Variants in EPAS1 observed in about 807,000 individuals in gnomAD.
EPAS1 encodes endothelial PAS domain-containing protein 1.
Under a neutral mutation model 87.9 loss-of-function variants are expected in EPAS1, and 23 were observed. That is an observed-to-expected ratio of 0.26 (90% confidence interval 0.19 to 0.37). The LOEUF is 0.37. Ranked by LOEUF, EPAS1 falls within the 10% of genes least tolerant of loss-of-function variation. The pLI is 1.00. For missense variants in EPAS1, 1,138 were observed against 1,120.7 expected, an observed-to-expected ratio of 1.02 and a Z score of -0.22; for synonymous variants, 508 against 444.3, an observed-to-expected ratio of 1.14 and a Z score of -1.80.
intron 9 of EPAS1, among the ~76,000 whole-genome samples, chr2:46,377,384 C>G (rs1684777398): frequency 6.6e-6 from 1 of 152,234 alleles, no homozygotes; most frequent in Admixed American, 6.5e-5. Flanking sequence ...CGCTGCCACC[C>G]TCTCCTGGCC....
intron 7 of EPAS1, among the ~76,000 whole-genome samples, chr2:46,370,426 A>G (rs1046283290): frequency 4.6e-5 from 7 of 152,238 alleles, no homozygotes; most frequent in Admixed American, 2.0e-4. Context: ...TAGGCTGAAC[A>G]GAGGGGAAAG....
chr2:46,343,920 T>C (rs1380013929), intron 1 of EPAS1, among the ~76,000 whole-genome samples: 1 of 152,260 alleles, frequency 6.6e-6, no homozygotes, highest in African/African-American at 2.4e-5. Flanking sequence ...ACAGTGACAG[T>C]ACCTGTCTTG....
intron 2 of EPAS1, among the ~76,000 whole-genome samples, chr2:46,351,521 C>T (rs1384968137): frequency 6.6e-6 from 1 of 152,142 alleles, no homozygotes; most frequent in Non-Finnish European, 1.5e-5. Context: ...AGTGATTTCC[C>T]TGTGGCTTGA....
At chr2:46,354,456 G>C (rs903620633) in intron 2 of EPAS1, among the ~76,000 whole-genome samples, 2 of 151,884 alleles carry the variant, frequency 1.3e-5, no homozygotes, top group Non-Finnish European at 2.9e-5. Context: ...CTGAAATAAA[G>C]TCTGTGGTTT....
At chr2:46,357,903 G>A (rs1436804279) in intron 4 of EPAS1, among the ~76,000 whole-genome samples, 1 of 152,202 alleles carries the variant, frequency 6.6e-6, no homozygotes, top group Non-Finnish European at 1.5e-5. Context: ...CATGAATAGG[G>A]ACATTGTTAA....
chr2:46,339,212 A>G (rs6544884), intron 1 of EPAS1, among the ~76,000 whole-genome samples: 22,392 of 152,134 alleles, frequency 0.15, 3,770 homozygotes, highest in African/African-American at 0.41. Context: ...TATAAATCCA[A>G]TGAGATCTCA....
Position 46,356,803 on chromosome 2 carries a change from A to G in EPAS1, c.449A>G (p.Lys150Arg). ...HEEIRENLSL[K>R]NGSGFGKKSK... ...GAGATTCGTGAGAACCTGAGTCTCA[A>G]AAATGGTATCCTTAATTGTGTTTAC... Residue 150 changes from lysine to arginine, a missense_variant, in exon 4 of 16, where the codon AAA becomes AGA. Lys to Arg is a conservative substitution (Grantham distance 26). Transcript: ENST00000263734. 1 of 1,611,862 alleles carries G rather than the reference A, an allele frequency of 6.2e-7. No homozygotes were observed. Among genetic ancestry groups the G allele is most frequent in the East Asian group, 2.2e-5 (1 of 44,878 alleles).
chr2:46,313,336 C>G (rs1377499335), intron 1 of EPAS1, among the ~76,000 whole-genome samples: 1 of 152,190 alleles, frequency 6.6e-6, no homozygotes, highest in Non-Finnish European at 1.5e-5. Context: ...CTTCAGGTCT[C>G]AGCTTAAATA....
intron 2 of EPAS1, among the ~76,000 whole-genome samples, chr2:46,354,251 A>C (rs1454437504): frequency 6.6e-6 from 1 of 152,202 alleles, no homozygotes; most frequent in Non-Finnish European, 1.5e-5. Context: ...TGCATTCTAC[A>C]TTCCTTAGAA....
chr2:46,319,663 A>G (rs957993607), intron 1 of EPAS1, among the ~76,000 whole-genome samples: 3 of 152,144 alleles, frequency 2.0e-5, no homozygotes, highest in African/African-American at 7.2e-5. Flanking sequence ...ATTTACAGTA[A>G]ACTTTGATAT....
chr2:46,339,139 TG>T (rs760121232), intron 1 of EPAS1, among the ~76,000 whole-genome samples: 3 of 152,374 alleles, frequency 2.0e-5, no homozygotes, highest in Admixed American at 6.5e-5. Context: ...CTGGCTATTA[TG>T]AATATTTTGA....
Position 46,334,275 on chromosome 2 carries a change from A to G in EPAS1, c.27-12598A>G, listed in dbSNP as rs952955702. ...GGCAATTATCCGGGCATCTGACTTTAGCTACCTGTCCTTTTGTTTAAAGCC... is the reference window on the plus strand; with the variant it reads ...GGCAATTATCCGGGCATCTGACTTTGGCTACCTGTCCTTTTGTTTAAAGCC... On this transcript the variant is annotated intron_variant, in intron 1 of 15. Transcript: ENST00000263734. Among the ~76,000 whole-genome samples, 4 of 152,178 alleles carry G rather than the reference A, an allele frequency of 2.6e-5. 1 individual carries two copies. The highest frequency in any genetic ancestry group is 9.6e-5 in the African/African-American group (4 of 41,454).
chr2:46,373,073 G>A (rs1190182983), intron 7 of EPAS1, among the ~76,000 whole-genome samples: 1 of 152,208 alleles, frequency 6.6e-6, no homozygotes, highest in Non-Finnish European at 1.5e-5. Flanking sequence ...GTGTAGCTCA[G>A]ACTCTGTCAC....
At position 46,356,145 on chromosome 2, in the gene EPAS1, T is replaced by G; in HGVS notation, c.218-6T>G. 2 of 862,250 alleles carry G rather than the reference T, an allele frequency of 2.3e-6. No individual in the cohort carries two copies. Among genetic ancestry groups the G allele is most frequent in the Non-Finnish European group, 3.6e-6 (2 of 554,060 alleles). 53.4% of individuals were successfully genotyped at this position (862,250 alleles called of 1,614,324 possible). A position where few individuals can be genotyped will look rare whatever the true frequency, so the allele number is the denominator to read the frequency against. Reference sequence around the variant, plus strand: ...TGCAAGCTGTCCCACCCCCCCCCCTTTCCAGTTTGCTCTGAAAACGAGTCC... The same window carrying G: ...TGCAAGCTGTCCCACCCCCCCCCCTGTCCAGTTTGCTCTGAAAACGAGTCC... On this transcript the variant is annotated splice_polypyrimidine_tract_variant and splice_region_variant and intron_variant, in intron 2 of 15. Transcript: ENST00000263734.
chr2:46,317,206 A>G (rs1019412961), intron 1 of EPAS1, among the ~76,000 whole-genome samples: 7 of 152,082 alleles, frequency 4.6e-5, no homozygotes, highest in Admixed American at 2.0e-4. Flanking sequence ...ATATTTTGAC[A>G]TCCTCCCACA....
intron 6 of EPAS1, among the ~76,000 whole-genome samples, chr2:46,365,899 C>T (rs985925046): frequency 1.2e-4 from 19 of 152,142 alleles, no homozygotes; most frequent in African/African-American, 3.9e-4. Flanking sequence ...GAAAGCAAGC[C>T]GACTTGAAGT....
At chr2:46,379,753 A>G (rs1228477018) in intron 11 of EPAS1, 1 of 212,888 alleles carries the variant, frequency 4.7e-6, no homozygotes, top group Non-Finnish European at 9.6e-6. Flanking sequence ...ACTCTGCGAG[A>G]GTCCACAGAT....
rs1378707757 is a variant in EPAS1 at position 46,380,343 on chromosome 2, G to C, written c.1671G>C (p.Gln557His). 1.9e-6 allele frequency: 3 copies of C among 1,613,980 alleles called. No homozygotes were observed. Among genetic ancestry groups the C allele is most frequent in the Non-Finnish European group, 2.5e-6 (3 of 1,180,012 alleles). The change falls in exon 12 of 16, where the codon CAG (glutamine) becomes CAC (histidine). Residue 557 changes from glutamine to histidine, a missense_variant. By Grantham distance (24) the Gln-to-His change is conservative. Transcript: ENST00000263734. The surrounding 1 kb of genome is among the most constrained non-coding windows in gnomAD (Gnocchi z 4.4). Reference sequence around the variant, plus strand: ...AGCGGCTCTTGGCGGAGAACCCACAGTCCACCCCCCAGCACTGCTTCAGTG... The same window carrying C: ...AGCGGCTCTTGGCGGAGAACCCACACTCCACCCCCCAGCACTGCTTCAGTG... ...PEERLLAENP[Q>H]STPQHCFSAM...
Position 46,360,726 on chromosome 2 carries a change from T to C in EPAS1, c.543T>C (p.Arg181=), listed in dbSNP as rs1237451596. 7 of 1,613,904 alleles carry C rather than the reference T, an allele frequency of 4.3e-6. No homozygotes were observed. In the African/African-American group the frequency reaches 9.3e-5, roughly 22 times the overall value. ...AGTGCACGGTCACCAACAGAGGCCGTACTGTCAACCTCAAGTCAGCCACCT... is the reference window on the plus strand; with the variant it reads ...AGTGCACGGTCACCAACAGAGGCCGCACTGTCAACCTCAAGTCAGCCACCT... ...RMKCTVTNRG[R]TVNLKSATWK... The change falls in exon 5 of 16, where the codon CGT becomes CGC. Residue 181 remains arginine (R), a synonymous_variant. Transcript: ENST00000263734. The surrounding 1 kb of genome is among the most constrained non-coding windows in gnomAD (Gnocchi z 4.5).
Sources: allele counts gnomAD v4.1 joint callset (sites outside exome capture counted in the v4.1 genomes callset), GRCh38; gene constraint gnomAD v4.1.1; non-coding constraint Gnocchi (gnomAD v3.1); transcripts MANE v1.5; gene names NCBI Gene and HGNC (gene_info 2026-07-23, HGNC 2026-07-21).